CADM2: variants seen among roughly 807,000 people sequenced by gnomAD.
CADM2 encodes the protein immunoglobulin superfamily member 4D.
A neutral mutation model predicts 49.8 loss-of-function variants in CADM2; 12 were observed. That is an observed-to-expected ratio of 0.24 (90% CI 0.15 to 0.39). The LOEUF (loss-of-function observed/expected upper bound fraction) is 0.39. CADM2 is among the 10% of genes least tolerant of loss of function. The pLI is 1.00. For missense variants in CADM2, 378 were observed against 492.3 expected (o/e 0.77, Z 2.20); for synonymous variants, 214 against 175.4 (o/e 1.22, Z -1.74).
intron 1 of CADM2, among the ~76,000 whole-genome samples, chr3:85,477,448 A>C (rs1366926571): frequency 6.6e-6 from 1 of 151,950 alleles, no homozygotes; most frequent in Non-Finnish European, 1.5e-5. Flanking sequence ...TTGTAACCAA[A>C]GGTACTTCAG....
intron 1 of CADM2, among the ~76,000 whole-genome samples, chr3:85,469,995 G>C (rs532516344): frequency 2.6e-5 from 4 of 152,148 alleles, no homozygotes; most frequent in Non-Finnish European, 4.4e-5. Flanking sequence ...GGAGGGAAGC[G>C]GAGTAGGAAT....
At chr3:85,979,009 C>T (rs1327857856) in intron 8 of CADM2, among the ~76,000 whole-genome samples, 1 of 151,612 alleles carries the variant, frequency 6.6e-6, no homozygotes, top group Non-Finnish European at 1.5e-5. Context: ...AAAAAAATGA[C>T]AAGAATTGTG....
chr3:85,672,285 C>T (rs915565931), intron 1 of CADM2, among the ~76,000 whole-genome samples: 21 of 151,078 alleles, frequency 1.4e-4, no homozygotes, highest in East Asian at 3.9e-4. Flanking sequence ...CTCCGCCTCC[C>T]GGGTTCACGC....
At chr3:85,659,104 T>G (rs897998758) in intron 1 of CADM2, among the ~76,000 whole-genome samples, 3 of 140,062 alleles carry the variant, frequency 2.1e-5, no homozygotes, top group African/African-American at 7.9e-5. Context: ...TTTTTAAAAC[T>G]CTACTGAAGC....
chr3:85,703,519 G>A (rs2066847492), intron 1 of CADM2, among the ~76,000 whole-genome samples: 1 of 152,068 alleles, frequency 6.6e-6, no homozygotes, highest in Non-Finnish European at 1.5e-5. Context: ...ATGGAGTGAA[G>A]GATCATAACC....
chr3:85,807,361 T>C (rs1434195353), intron 3 of CADM2, among the ~76,000 whole-genome samples: 33 of 152,058 alleles, frequency 2.2e-4, no homozygotes, highest in East Asian at 1.9e-4. Context: ...TATCTGGGCA[T>C]GGTGGCGGAT....
At chr3:85,137,213 A>G (rs1271684260) in intron 1 of CADM2, among the ~76,000 whole-genome samples, 1 of 151,968 alleles carries the variant, frequency 6.6e-6, no homozygotes, top group Non-Finnish European at 1.5e-5. Flanking sequence ...AACAATTGAT[A>G]TTTCTTAATT....
At chr3:85,327,103 G>T (rs2044775362) in intron 1 of CADM2, among the ~76,000 whole-genome samples, 1 of 151,198 alleles carries the variant, frequency 6.6e-6, no homozygotes, top group Non-Finnish European at 1.5e-5. Flanking sequence ...AAATGGGTTG[G>T]TGTGGGTTGA....
chr3:85,446,349 A>G (rs533896629), intron 1 of CADM2, among the ~76,000 whole-genome samples: 158 of 152,282 alleles, frequency 1.0e-3, no homozygotes, highest in Admixed American at 2.3e-3. Flanking sequence ...AAAATGCCCC[A>G]TAGTTGTACT....
At chr3:85,683,511 TA>T (rs910910432) in intron 1 of CADM2, among the ~76,000 whole-genome samples, 1 of 152,208 alleles carries the variant, frequency 6.6e-6, no homozygotes, top group African/African-American at 2.4e-5. Flanking sequence ...GTGAATCTTT[TA>T]ATATTGCAAA....
rs116803229 is a variant in CADM2, at chr3:84,988,278, G to A, written c.61+28610G>A. On this transcript the variant is annotated intron_variant, in intron 1 of 9. Coordinates refer to ENST00000383699, the MANE Select transcript of CADM2 (RefSeq NM_001167675.2). The stretch of plus-strand genomic sequence containing the variant: ...CTTTTTCTTTGGCACTAGCTTCCAA[G>A]GTGCACATTTTTCCTACTTCTATTT... 4.1e-3 allele frequency among the ~76,000 whole-genome samples: 630 copies of A among 152,344 alleles called. 6 individuals are homozygous for A. Among genetic ancestry groups the A allele is most frequent in the African/African-American group, 0.014 (593 of 41,588 alleles).
At chr3:85,389,845 G>A (rs949967381) in intron 1 of CADM2, among the ~76,000 whole-genome samples, 7 of 152,016 alleles carry the variant, frequency 4.6e-5, no homozygotes, top group Admixed American at 2.0e-4. Flanking sequence ...TGCAAAGTAC[G>A]TTGACAATAA....
intron 1 of CADM2, among the ~76,000 whole-genome samples, chr3:85,439,631 G>A (rs1001984119): frequency 6.6e-6 from 1 of 151,808 alleles, no homozygotes; most frequent in African/African-American, 2.4e-5. Flanking sequence ...CAAAATTATT[G>A]CAGCCAGTTA....
At chr3:85,728,901 T>C (rs1467057109) in intron 2 of CADM2, among the ~76,000 whole-genome samples, 1 of 152,178 alleles carries the variant, frequency 6.6e-6, no homozygotes, top group African/African-American at 2.4e-5. Context: ...CAGTCAGAAA[T>C]TATTAGTAAT....
At chr3:85,979,025 C>A in intron 8 of CADM2, 1 of 836,100 alleles carries the variant, frequency 1.2e-6, no homozygotes, top group Non-Finnish European at 1.8e-6. Context: ...TTGTGTGACA[C>A]AGTTTTGTAC....
intron 1 of CADM2, among the ~76,000 whole-genome samples, chr3:85,535,920 G>GA (rs879791651): frequency 3.3e-5 from 5 of 152,084 alleles, no homozygotes; most frequent in Non-Finnish European, 5.9e-5. Context: ...AGTATTTTAG[G>GA]CTGTAGACTT....
At chr3:85,741,931 C>T (rs542953354) in intron 2 of CADM2, among the ~76,000 whole-genome samples, 1 of 152,140 alleles carries the variant, frequency 6.6e-6, no homozygotes, top group African/African-American at 2.4e-5. Flanking sequence ...TCCTAAACCC[C>T]AAACACTCTT....
chr3:85,368,238 A>T (rs1474385517), intron 1 of CADM2, among the ~76,000 whole-genome samples: 1 of 152,054 alleles, frequency 6.6e-6, no homozygotes, highest in Non-Finnish European at 1.5e-5. Context: ...ATAGAGAGAC[A>T]TTGTATCCTT....
At chr3:85,692,290 C>A (rs954160528) in intron 1 of CADM2, among the ~76,000 whole-genome samples, 3 of 152,124 alleles carry the variant, frequency 2.0e-5, no homozygotes, top group Non-Finnish European at 4.4e-5. Context: ...TTTGACTGAT[C>A]AGGGTAGGCT....
Sources: gnomAD v4.1 joint callset for allele counts (sites outside exome capture counted in the v4.1 genomes callset) on GRCh38, gnomAD v4.1.1 for gene constraint, MANE v1.5 for transcripts, NCBI Gene and HGNC (gene_info 2026-07-23, HGNC 2026-07-21) for gene names.